Variants in GRID1 observed in about 807,000 individuals in gnomAD.
The protein encoded by GRID1 is glutamate ionotropic receptor delta type subunit 1.
A neutral mutation model predicts 98.0 loss-of-function variants in GRID1; 28 were observed. The ratio of observed to expected loss-of-function variants is 0.29; its 90% CI spans 0.21 to 0.39. The LOEUF (loss-of-function observed/expected upper bound fraction) is 0.39, where lower values mean the gene tolerates loss of function less well. Among genes scored for constraint, GRID1 ranks in the 10% least tolerant of loss-of-function variants. The pLI, the probability that GRID1 is intolerant of heterozygous loss-of-function variation, is 1.00. For synonymous variants in GRID1, 553 were observed against 538.5 expected, an observed-to-expected ratio of 1.03 and a Z score of -0.37; for missense variants, 1,111 against 1,340.5, an observed-to-expected ratio of 0.83 and a Z score of 2.67.
chr10:86,117,937 G>A (rs998389945), intron 4 of GRID1, among the ~76,000 whole-genome samples: 1 of 152,212 alleles, frequency 6.6e-6, no homozygotes, highest in African/African-American at 2.4e-5. Context: ...GTTTGATCCA[G>A]CAATCCCACT....
At chr10:85,751,470 T>C (rs1203009085) in intron 8 of GRID1, among the ~76,000 whole-genome samples, 1 of 152,134 alleles carries the variant, frequency 6.6e-6, no homozygotes. Context: ...TGCAATCCCA[T>C]TGAGATAGCC....
Position 85,601,932 on chromosome 10 carries a change from G to A in GRID1, c.*341C>T, listed in dbSNP as rs918977185. On this transcript the variant is annotated 3_prime_UTR_variant, in exon 16 of 16. Coordinates refer to ENST00000327946, the MANE Select transcript of GRID1 (RefSeq NM_017551.3). The stretch of plus-strand genomic sequence containing the variant: ...GCAGAGAGGGGCTCCTTATCTGGTC[G>A]CCCCTCCTGCCCTCAGAAAGGCCCA... 7 of 223,140 alleles carry A rather than the reference G, an allele frequency of 3.1e-5. No homozygotes were observed. The highest frequency in any genetic ancestry group is 2.7e-4 in the East Asian group (3 of 10,910). 13.8% of individuals were successfully genotyped at this position (223,140 alleles called of 1,614,324 possible).
chr10:85,760,791 AT>A (rs1427620000), intron 8 of GRID1, among the ~76,000 whole-genome samples: 1 of 152,216 alleles, frequency 6.6e-6, no homozygotes, highest in East Asian at 1.9e-4. Context: ...TTCAGTAGCC[AT>A]TCTGCTCTAC....
chr10:86,331,575 C>G (rs537186623), intron 2 of GRID1, among the ~76,000 whole-genome samples: 80 of 152,336 alleles, frequency 5.3e-4, no homozygotes, highest in African/African-American at 1.6e-3. Flanking sequence ...CTGGACAGGG[C>G]TGGAGAGACA....
chr10:85,865,924 TATATATATATATATATATAC>T (rs1300832088), intron 6 of GRID1, among the ~76,000 whole-genome samples: 2 of 112,978 alleles, frequency 1.8e-5, no homozygotes, highest in African/African-American at 3.5e-5. Context: ...TATATATATA[TATATATATATATATATATAC>T]ACATATATAT....
intron 12 of GRID1, among the ~76,000 whole-genome samples, chr10:85,710,316 C>T (rs182097423): frequency 0.01 from 1,522 of 152,178 alleles, 9 homozygotes; most frequent in Non-Finnish European, 0.015. Context: ...GAAATAAACC[C>T]TCTTGGGTAT....
intron 4 of GRID1, among the ~76,000 whole-genome samples, chr10:86,004,727 TACACACACACACTC>T (rs1381672682): frequency 1.3e-5 from 1 of 76,726 alleles, no homozygotes; most frequent in African/African-American, 5.7e-5. Context: ...TCTCTCTTTC[TACACACACACACTC>T]ACACACACAC....
intron 4 of GRID1, among the ~76,000 whole-genome samples, chr10:86,046,455 A>T (rs963090132): frequency 1.3e-5 from 2 of 152,056 alleles, no homozygotes; most frequent in African/African-American, 2.4e-5. Context: ...GCTAAGCCCC[A>T]CTTGGGGCTT....
intron 2 of GRID1, among the ~76,000 whole-genome samples, chr10:86,339,589 G>A (rs1273523657): frequency 2.0e-5 from 3 of 152,240 alleles, no homozygotes; most frequent in Non-Finnish European, 4.4e-5. Flanking sequence ...CCTCAGGCAT[G>A]GCCATGTGAG....
At chr10:85,880,522 C>G (rs1425412884) in intron 5 of GRID1, among the ~76,000 whole-genome samples, 4 of 151,972 alleles carry the variant, frequency 2.6e-5, no homozygotes, top group Non-Finnish European at 5.9e-5. Flanking sequence ...AGACAAAAAC[C>G]ACATGATTAT....
At chr10:85,983,490 A>T (rs1288753216) in intron 4 of GRID1, among the ~76,000 whole-genome samples, 2 of 152,190 alleles carry the variant, frequency 1.3e-5, no homozygotes, top group African/African-American at 4.8e-5. Context: ...TAATTTTTGC[A>T]ACTTCCCTTT....
At chr10:85,799,901 G>A (rs1242745049) in intron 8 of GRID1, among the ~76,000 whole-genome samples, 2 of 152,056 alleles carry the variant, frequency 1.3e-5, no homozygotes, top group Admixed American at 6.6e-5. Context: ...ACAAATGTTT[G>A]AGGTAATTAA....
rs1848657680 is a variant in GRID1, at chr10:86,365,148, A to T, written c.80-1052T>A. On this transcript the variant is annotated intron_variant, in intron 1 of 15. Transcript: ENST00000327946. The surrounding 1 kb of genome is among the most constrained non-coding windows in gnomAD (Gnocchi z 4.8). Reference sequence around the variant, plus strand: ...CCGCAATGCTGACCGCGAGACCCGCACCCCTCCAGGGCGGGAAGCAGGTTT... The same window carrying T: ...CCGCAATGCTGACCGCGAGACCCGCTCCCCTCCAGGGCGGGAAGCAGGTTT... 6.6e-6 allele frequency among the ~76,000 whole-genome samples: 1 copy of T among 150,780 alleles called. No homozygotes were observed.
intron 4 of GRID1, among the ~76,000 whole-genome samples, chr10:86,107,525 T>A (rs559931142): frequency 6.6e-6 from 1 of 152,270 alleles, no homozygotes; most frequent in East Asian, 1.9e-4. Flanking sequence ...AAGGGTGTGG[T>A]CCCTGGCTAG....
At chr10:86,283,782 A>G (rs1234619738) in intron 2 of GRID1, among the ~76,000 whole-genome samples, 1 of 149,224 alleles carries the variant, frequency 6.7e-6, no homozygotes, top group Non-Finnish European at 1.5e-5. Flanking sequence ...ACCTGCATAC[A>G]CACATCTGCC....
Position 85,868,635 on chromosome 10 carries a change from GA to G in GRID1, c.951+374del, listed in dbSNP as rs529697647. Among the ~76,000 whole-genome samples the G allele has an allele frequency of 2.3e-4, 35 of 152,226 alleles. No homozygotes were observed. The South Asian group carries it at 7.0e-3, about 31-fold the overall frequency. On this transcript the variant is annotated intron_variant, in intron 6 of 15. Transcript: ENST00000327946. Reference sequence around the variant, plus strand: ...GCAAGGGTCGTGTCTATATTAACAAGAACCTAAAACAGGTTCAAAATGATCA... The same window carrying G: ...GCAAGGGTCGTGTCTATATTAACAAGACCTAAAACAGGTTCAAAATGATCA...
At chr10:86,353,740 G>A (rs966351981) in intron 2 of GRID1, among the ~76,000 whole-genome samples, 1 of 152,196 alleles carries the variant, frequency 6.6e-6, no homozygotes, top group East Asian at 1.9e-4. Flanking sequence ...ACTTGGGGAC[G>A]GCCCACGGGG....
At chr10:85,768,491 G>T (rs1842219597) in intron 8 of GRID1, among the ~76,000 whole-genome samples, 1 of 152,018 alleles carries the variant, frequency 6.6e-6, no homozygotes. Context: ...AATGTCCAAT[G>T]CAAAGGGTAA....
chr10:86,082,557 T>C (rs925701836), intron 4 of GRID1, among the ~76,000 whole-genome samples: 2 of 152,160 alleles, frequency 1.3e-5, no homozygotes, highest in African/African-American at 2.4e-5. Flanking sequence ...CCCATCCCCA[T>C]GTTACTGCCA....
Sources: gnomAD v4.1 joint callset for allele counts (sites outside exome capture counted in the v4.1 genomes callset) on GRCh38, gnomAD v4.1.1 for gene constraint, Gnocchi (gnomAD v3.1) non-coding constraint, MANE v1.5 for transcripts, NCBI Gene and HGNC (gene_info 2026-07-23, HGNC 2026-07-21) for gene names.